The following TMEM182 variants were observed in gnomAD, a reference collection of about 807,000 sequenced individuals.
TMEM182 encodes transmembrane protein 182.
In TMEM182, 20 loss-of-function variants were observed where a neutral mutation model predicts 26.8. That is an observed-to-expected ratio of 0.75 (90% CI 0.53 to 1.09). The LOEUF (loss-of-function observed/expected upper bound fraction) is 1.09. Among genes scored for constraint, TMEM182 ranks in the 50% least tolerant of loss-of-function variants. The pLI is 0.00. For synonymous variants in TMEM182, 109 were observed against 102.2 expected (o/e 1.07, Z -0.40); for missense variants, 277 against 275.5 (o/e 1.01, Z -0.04).
intron 3 of TMEM182, among the ~76,000 whole-genome samples, chr2:102,773,091 A>T (rs1680749129): frequency 6.6e-6 from 1 of 152,176 alleles, no homozygotes; most frequent in Non-Finnish European, 1.5e-5. Context: ...GTACTGACCA[A>T]GATATGCCAC....
intron 4 of TMEM182, among the ~76,000 whole-genome samples, chr2:102,813,120 C>T (rs933643303): frequency 5.3e-5 from 8 of 152,206 alleles, no homozygotes; most frequent in Non-Finnish European, 1.0e-4. Context: ...TTCTTATTAG[C>T]GAAGCATCTA....
chr2:102,841,037 T>C (rs990938509), intron 3 of TMEM182, among the ~76,000 whole-genome samples: 2 of 152,078 alleles, frequency 1.3e-5, no homozygotes, highest in Non-Finnish European at 2.9e-5. Context: ...ACTTTGTTCC[T>C]AAGTGCAGGA....
At chr2:102,836,693 A>C (rs574515843) in intron 3 of TMEM182, among the ~76,000 whole-genome samples, 3 of 152,164 alleles carry the variant, frequency 2.0e-5, no homozygotes, top group Non-Finnish European at 4.4e-5. Context: ...CCCTGCTTTT[A>C]TGAAGGAGGG....
At position 102,762,092 on chromosome 2, in the gene TMEM182, A is replaced by G. The variant is rs1680234055; in HGVS notation, c.-126A>G. The G allele has an allele frequency of 1.2e-6, 1 of 837,086 alleles. No individual in the cohort carries two copies. The highest frequency in any genetic ancestry group is 1.8e-6 in the Non-Finnish European group (1 of 559,538). 51.9% of individuals were successfully genotyped at this position (837,086 alleles called of 1,614,324 possible). A position where few individuals can be genotyped will look rare whatever the true frequency, so the allele number is the denominator to read the frequency against. On this transcript the variant is annotated 5_prime_UTR_variant, in exon 1 of 5. Transcript: ENST00000412401. Reference sequence around the variant, plus strand: ...AACATGAGCTAGGACAGCCTTCTCAAGAAGATTCTGCCAACTCAAAAATAT... The same window carrying G: ...AACATGAGCTAGGACAGCCTTCTCAGGAAGATTCTGCCAACTCAAAAATAT...
chr2:102,758,377 A>C, upstream of TMEM182: 3 of 701,114 alleles, frequency 4.3e-6, no homozygotes. Context: ...AATGGCTGTT[A>C]AAATTCCTTA....
intron 3 of TMEM182, among the ~76,000 whole-genome samples, chr2:102,839,077 TTTTA>T (rs1237839436): frequency 6.6e-6 from 1 of 152,152 alleles, no homozygotes; most frequent in Non-Finnish European, 1.5e-5. Flanking sequence ...CTCAATTGAT[TTTTA>T]TTTGTTTGTC....
rs1329224794 is a variant in TMEM182 at position 102,817,499 on chromosome 2, A to C, written c.*2531A>C. On this transcript the variant is annotated 3_prime_UTR_variant, in exon 5 of 5. Transcript: ENST00000412401. ...TTGCACATACATTGGAATTGGCTGG[A>C]GAGACTACACAGAGAAGTTTAATGA... 9.1e-6 allele frequency: 9 copies of C among 985,038 alleles called. No individual in the cohort carries two copies. Among genetic ancestry groups the C allele is most frequent in the Non-Finnish European group, 1.1e-5 (9 of 829,882 alleles). The allele number at this position is 985,038 out of a possible 1,614,324, so 61.0% of individuals were successfully genotyped here. A position where few individuals can be genotyped will look rare whatever the true frequency, so the allele number is the denominator to read the frequency against.
intron 4 of TMEM182, among the ~76,000 whole-genome samples, chr2:102,810,130 A>T (rs137863702): frequency 0.02 from 2,972 of 151,334 alleles, 76 homozygotes; most frequent in African/African-American, 0.064. Context: ...CTCTCTTTTT[A>T]AAAAAAAATA....
intron 3 of TMEM182, among the ~76,000 whole-genome samples, chr2:102,772,135 C>G (rs12465996): frequency 6.6e-6 from 1 of 152,078 alleles, no homozygotes; most frequent in East Asian, 1.9e-4. Flanking sequence ...ATTCAAACCC[C>G]GAAGGAGAAA....
intron 4 of TMEM182, among the ~76,000 whole-genome samples, chr2:102,811,385 T>A (rs1249899270): frequency 6.6e-6 from 1 of 152,214 alleles, no homozygotes; most frequent in Non-Finnish European, 1.5e-5. Flanking sequence ...TAAGGCAATA[T>A]TTGCTGGGTT....
intron 3 of TMEM182, among the ~76,000 whole-genome samples, chr2:102,841,721 A>G (rs1349946938): frequency 1.3e-5 from 2 of 152,330 alleles, no homozygotes; most frequent in East Asian, 3.9e-4. Flanking sequence ...TCAAGGTGGC[A>G]ATAGCTATAT....
At chr2:102,842,169 C>T (rs191014006) in intron 3 of TMEM182, among the ~76,000 whole-genome samples, 19 of 152,272 alleles carry the variant, frequency 1.2e-4, no homozygotes, top group Admixed American at 4.6e-4. Context: ...CCTGCTCCCC[C>T]CTGCAATGAC....
chr2:102,802,188 C>T (rs533840621), intron 4 of TMEM182, among the ~76,000 whole-genome samples: 23 of 152,296 alleles, frequency 1.5e-4, no homozygotes, highest in African/African-American at 4.8e-4. Context: ...TTTCTATGAC[C>T]ATTGCTGGGT....
At chr2:102,798,241 A>G (rs1223979722) in intron 4 of TMEM182, among the ~76,000 whole-genome samples, 1 of 152,162 alleles carries the variant, frequency 6.6e-6, no homozygotes, top group Admixed American at 6.5e-5. Context: ...AACCATCATG[A>G]TAGTCTCTGC....
intron 3 of TMEM182, among the ~76,000 whole-genome samples, chr2:102,789,423 A>G (rs1681541030): frequency 1.3e-5 from 2 of 152,210 alleles, no homozygotes; most frequent in Non-Finnish European, 2.9e-5. Context: ...AAATTATATT[A>G]TGCAAAATCA....
At chr2:102,742,411 A>G (rs532153103) in intron 1 of TMEM182, among the ~76,000 whole-genome samples, 1 of 152,326 alleles carries the variant, frequency 6.6e-6, no homozygotes, top group South Asian at 2.1e-4. Context: ...AAGAGGTATA[A>G]GATACCATTT....
chr2:102,797,896 TG>T lies in TMEM182; in HGVS notation c.370del (p.Val124Ter), dbSNP rs1390524357. On this transcript the variant is annotated frameshift_variant, in exon 4 of 5. Transcript: ENST00000412401. LOFTEE classifies it high-confidence loss of function. ...YRGFWAVLML[L>X]GVVAVVIASF... ...GGTTTCTGGGCAGTCCTGATGCTCC[TG>T]GGGGTAGTTGCTGTAGTCATCGCAA... 2 of 1,614,086 alleles carry T rather than the reference TG, an allele frequency of 1.2e-6. No individual in the cohort carries two copies. The highest frequency in any genetic ancestry group is 3.3e-5 in the Admixed American group (2 of 60,010).
At chr2:102,798,262 G>T (rs1382183427) in intron 4 of TMEM182, among the ~76,000 whole-genome samples, 1 of 152,066 alleles carries the variant, frequency 6.6e-6, no homozygotes, top group Non-Finnish European at 1.5e-5. Context: ...TCACTGTAAG[G>T]CCATTATTAT....
chr2:102,777,572 T>A (rs530632681), intron 3 of TMEM182, among the ~76,000 whole-genome samples: 17 of 152,184 alleles, frequency 1.1e-4, no homozygotes, highest in Non-Finnish European at 2.4e-4. Context: ...ATTGTGTCAG[T>A]CTTCGTTTTT....
Sources: allele counts gnomAD v4.1 joint callset (sites outside exome capture counted in the v4.1 genomes callset), GRCh38; gene constraint gnomAD v4.1.1; transcripts MANE v1.5; gene names NCBI Gene and HGNC (gene_info 2026-07-23, HGNC 2026-07-21).